Variants in GALNTL6 observed in about 807,000 individuals in gnomAD.
GALNTL6 encodes polypeptide N-acetylgalactosaminyltransferase like 6, also known as polypeptide N-acetylgalactosaminyltransferase-like 6.
In GALNTL6, 46 loss-of-function variants were observed where a neutral mutation model predicts 73.7. The observed-to-expected ratio is 0.62, with a 90% CI of 0.49 to 0.80. The LOEUF (loss-of-function observed/expected upper bound fraction) is 0.80. GALNTL6 is among the 30% of genes least tolerant of loss of function. The pLI, the probability that GALNTL6 is intolerant of heterozygous loss-of-function variation, is 0.00. For missense variants in GALNTL6, 604 were observed against 755.0 expected (o/e 0.80, Z 2.34); for synonymous variants, 259 against 263.7 (o/e 0.98, Z 0.17).
At chr4:172,731,882 T>G (rs1736170627) in intron 5 of GALNTL6, among the ~76,000 whole-genome samples, 1 of 152,190 alleles carries the variant, frequency 6.6e-6, no homozygotes, top group Non-Finnish European at 1.5e-5. Context: ...TCTAGTTGTA[T>G]TTCATATTTT....
chr4:172,745,643 G>A (rs1320682155), intron 5 of GALNTL6, among the ~76,000 whole-genome samples: 2 of 152,020 alleles, frequency 1.3e-5, no homozygotes, highest in Non-Finnish European at 2.9e-5. Flanking sequence ...AACTAAGGCA[G>A]AAGTGGTCAC....
rs181982922 is a variant in GALNTL6 at position 172,800,817 on chromosome 4, G to A, written c.554-8544G>A. On this transcript the variant is annotated intron_variant, in intron 5 of 12. Coordinates refer to ENST00000506823, the MANE Select transcript of GALNTL6 (RefSeq NM_001034845.3). ...ATCTTTCTTCTCCTTTGAGGTAAAA[G>A]TTATGTCATCGGAAAAAAAAAGATA... Among the ~76,000 whole-genome samples, 249 of 96,012 alleles carry A rather than the reference G, an allele frequency of 2.6e-3. 1 individual carries two copies. The highest frequency in any genetic ancestry group is 9.3e-3 in the African/African-American group (243 of 26,260). 63.0% of individuals were successfully genotyped at this position (96,012 alleles called of 152,430 possible). A position where few individuals can be genotyped will look rare whatever the true frequency, so the allele number is the denominator to read the frequency against.
intron 8 of GALNTL6, among the ~76,000 whole-genome samples, chr4:172,909,113 G>A (rs754480035): frequency 5.3e-5 from 8 of 151,548 alleles, no homozygotes; most frequent in East Asian, 1.9e-4. Context: ...AAATCAAGAC[G>A]GAGACAATAG....
chr4:172,698,013 G>A (rs1010014092), intron 5 of GALNTL6, among the ~76,000 whole-genome samples: 4 of 152,178 alleles, frequency 2.6e-5, no homozygotes, highest in Admixed American at 2.6e-4. Flanking sequence ...GCTTAATTCT[G>A]TAATTCAGCT....
chr4:172,232,128 G>A (rs895920717), intron 3 of GALNTL6, among the ~76,000 whole-genome samples: 1 of 130,008 alleles, frequency 7.7e-6, no homozygotes, highest in Non-Finnish European at 1.7e-5. Context: ...ACACACTCAG[G>A]TACAGAGTCA....
intron 11 of GALNTL6, among the ~76,000 whole-genome samples, chr4:173,015,016 T>G (rs1012649658): frequency 1.3e-5 from 2 of 152,150 alleles, no homozygotes; most frequent in African/African-American, 4.8e-5. Context: ...AGTGACTGAG[T>G]TCTCATAAGA....
intron 2 of GALNTL6, among the ~76,000 whole-genome samples, chr4:172,196,681 G>A (rs918773090): frequency 3.3e-5 from 5 of 152,020 alleles, no homozygotes; most frequent in Non-Finnish European, 5.9e-5. Flanking sequence ...CAAACAGAAC[G>A]AAAGACAAAA....
chr4:172,635,041 A>C (rs1739602262), intron 5 of GALNTL6, among the ~76,000 whole-genome samples: 3 of 152,200 alleles, frequency 2.0e-5, no homozygotes, highest in South Asian at 2.1e-4. Flanking sequence ...ATAATTGAGG[A>C]CTGCAAACTA....
intron 2 of GALNTL6, among the ~76,000 whole-genome samples, chr4:172,058,549 C>T (rs558229869): frequency 6.6e-6 from 1 of 151,882 alleles, no homozygotes; most frequent in South Asian, 2.1e-4. Context: ...TGTGTGTGTG[C>T]ATGTACACTT....
At chr4:172,277,957 C>T (rs1315750595) in intron 3 of GALNTL6, among the ~76,000 whole-genome samples, 1 of 152,106 alleles carries the variant, frequency 6.6e-6, no homozygotes, top group East Asian at 1.9e-4. Context: ...CACATTAAAA[C>T]ATATAACTCA....
At chr4:172,688,036 T>C (rs929630710) in intron 5 of GALNTL6, among the ~76,000 whole-genome samples, 4 of 152,216 alleles carry the variant, frequency 2.6e-5, no homozygotes, top group African/African-American at 9.6e-5. Context: ...TACATTTAAA[T>C]ACTATTTCCT....
chr4:172,950,917 A>G (rs2126342188), intron 9 of GALNTL6, among the ~76,000 whole-genome samples: 1 of 152,324 alleles, frequency 6.6e-6, no homozygotes, highest in Non-Finnish European at 1.5e-5. Context: ...GCCTATGAAA[A>G]TGTACTGCAG....
chr4:171,907,562 A>G (rs1160850037), intron 2 of GALNTL6, among the ~76,000 whole-genome samples: 3 of 152,058 alleles, frequency 2.0e-5, no homozygotes, highest in Non-Finnish European at 2.9e-5. Flanking sequence ...GAAAATGGCC[A>G]TACTGTCCAA....
chr4:172,763,632 G>C (rs1050539177), intron 5 of GALNTL6, among the ~76,000 whole-genome samples: 1 of 152,192 alleles, frequency 6.6e-6, no homozygotes, highest in Non-Finnish European at 1.5e-5. Flanking sequence ...TAAAGGCATC[G>C]TATCTATGGA....
chr4:172,626,822 C>T (rs1319339171), intron 5 of GALNTL6, among the ~76,000 whole-genome samples: 3 of 152,030 alleles, frequency 2.0e-5, no homozygotes. Flanking sequence ...AGAAATGGCA[C>T]TAATTTTTAT....
intron 5 of GALNTL6, among the ~76,000 whole-genome samples, chr4:172,662,535 G>A (rs1731430849): frequency 6.6e-6 from 1 of 152,148 alleles, no homozygotes; most frequent in African/African-American, 2.4e-5. Context: ...GAGCAGAAAC[G>A]TCAATTCACC....
chr4:172,344,206 C>G (rs751482201), intron 4 of GALNTL6, among the ~76,000 whole-genome samples: 2 of 152,088 alleles, frequency 1.3e-5, no homozygotes, highest in Non-Finnish European at 1.5e-5. Context: ...TATTTGTAAA[C>G]TTTTATTCTC....
intron 2 of GALNTL6, among the ~76,000 whole-genome samples, chr4:172,170,974 C>G (rs1734801730): frequency 6.6e-6 from 1 of 152,176 alleles, no homozygotes; most frequent in African/African-American, 2.4e-5. Context: ...TTCTTATCGT[C>G]AAATAATGAA....
chr4:172,742,191 C>G (rs919836802), intron 5 of GALNTL6, among the ~76,000 whole-genome samples: 11 of 151,858 alleles, frequency 7.2e-5, no homozygotes, highest in African/African-American at 2.4e-4. Flanking sequence ...TAGTTCAAAA[C>G]TTTATTCTTA....
Sources: allele counts gnomAD v4.1 joint callset (sites outside exome capture counted in the v4.1 genomes callset), GRCh38; gene constraint gnomAD v4.1.1; transcripts MANE v1.5; gene names NCBI Gene and HGNC (gene_info 2026-07-23, HGNC 2026-07-21).